Variants in STXBP6 observed in about 807,000 individuals in gnomAD.
The protein encoded by STXBP6 is syntaxin binding protein 6, also known as syntaxin-binding protein 6.
A neutral mutation model predicts 26.9 loss-of-function variants in STXBP6; 21 were observed. The ratio of observed to expected loss-of-function variants is 0.78; its 90% CI spans 0.55 to 1.12. The LOEUF (loss-of-function observed/expected upper bound fraction) is 1.12, where lower values mean the gene tolerates loss of function less well. Among genes scored for constraint, STXBP6 ranks in the 50% most tolerant of loss-of-function variants. The pLI, the probability that STXBP6 is intolerant of heterozygous loss-of-function variation, is 0.00. For synonymous variants in STXBP6, 97 were observed against 92.6 expected, an observed-to-expected ratio of 1.05 and a Z score of -0.27; for missense variants, 232 against 257.9, an observed-to-expected ratio of 0.90 and a Z score of 0.69.
At chr14:24,897,429 G>GAA (rs71121805) in intron 2 of STXBP6, among the ~76,000 whole-genome samples, 124 of 125,492 alleles carry the variant, frequency 9.9e-4, no homozygotes, top group African/African-American at 1.2e-3. Flanking sequence ...AAAAAAAAAG[G>GAA]AAAAAAAAAA....
At chr14:24,827,464 C>T (rs1385954946) in intron 4 of STXBP6, among the ~76,000 whole-genome samples, 1 of 152,104 alleles carries the variant, frequency 6.6e-6, no homozygotes, top group African/African-American at 2.4e-5. Context: ...CTGATCTGCT[C>T]CTCCTACATT....
intron 1 of STXBP6, among the ~76,000 whole-genome samples, chr14:24,981,911 T>C (rs1228578761): frequency 2.0e-5 from 3 of 152,020 alleles, no homozygotes; most frequent in East Asian, 3.9e-4. Flanking sequence ...CTTGGAAAAA[T>C]TGCCAAGAAA....
chr14:24,956,267 C>A (rs2140092669), intron 2 of STXBP6, among the ~76,000 whole-genome samples: 1 of 152,176 alleles, frequency 6.6e-6, no homozygotes, highest in East Asian at 1.9e-4. Flanking sequence ...CACCAAGTTA[C>A]AGAGACTGGC....
intron 2 of STXBP6, among the ~76,000 whole-genome samples, chr14:24,877,381 A>G (rs1595023445): frequency 6.6e-6 from 1 of 152,290 alleles, no homozygotes; most frequent in East Asian, 1.9e-4. Flanking sequence ...CTCTGTGTCC[A>G]TCTACTCCTT....
At chr14:24,841,622 A>G (rs1290761197) in intron 4 of STXBP6, among the ~76,000 whole-genome samples, 1 of 152,186 alleles carries the variant, frequency 6.6e-6, no homozygotes, top group Non-Finnish European at 1.5e-5. Flanking sequence ...GTACTGTATT[A>G]TGGGTGAATT....
chr14:24,948,674 G>T (rs115696873), intron 2 of STXBP6, among the ~76,000 whole-genome samples: 1 of 152,130 alleles, frequency 6.6e-6, no homozygotes, highest in South Asian at 2.1e-4. Flanking sequence ...CTCAGCAGGG[G>T]TTCTCCTGGA....
At chr14:24,985,321 G>C (rs187231001) in intron 1 of STXBP6, among the ~76,000 whole-genome samples, 1 of 152,204 alleles carries the variant, frequency 6.6e-6, no homozygotes, top group Non-Finnish European at 1.5e-5. Flanking sequence ...CCATCATTTC[G>C]AGACCTGCAG....
intron 4 of STXBP6, among the ~76,000 whole-genome samples, chr14:24,829,136 C>T (rs2068377827): frequency 6.6e-6 from 1 of 151,940 alleles, no homozygotes; most frequent in South Asian, 2.1e-4. Flanking sequence ...TGAAAATAAG[C>T]ACTTTGATTA....
chr14:24,977,580 A>G (rs2074082401), intron 1 of STXBP6, among the ~76,000 whole-genome samples: 1 of 152,204 alleles, frequency 6.6e-6, no homozygotes, highest in Non-Finnish European at 1.5e-5. Flanking sequence ...TTTATTAACT[A>G]CAACATAGAG....
intron 4 of STXBP6, among the ~76,000 whole-genome samples, chr14:24,823,123 A>G (rs2068185539): frequency 6.6e-6 from 1 of 152,186 alleles, no homozygotes; most frequent in African/African-American, 2.4e-5. Context: ...GCAGAGACCA[A>G]TCTTGCTCCA....
chr14:24,831,398 A>C (rs919841953), intron 4 of STXBP6, among the ~76,000 whole-genome samples: 1 of 152,200 alleles, frequency 6.6e-6, no homozygotes, highest in African/African-American at 2.4e-5. Flanking sequence ...CAAGCAGAGT[A>C]CAGGACCATA....
chr14:24,972,911 G>C (rs967483964), intron 2 of STXBP6, among the ~76,000 whole-genome samples: 3 of 152,174 alleles, frequency 2.0e-5, no homozygotes, highest in African/African-American at 4.8e-5. Context: ...GAGCCCAGGA[G>C]TTCGAGACCA....
intron 1 of STXBP6, among the ~76,000 whole-genome samples, chr14:25,033,379 C>T (rs553804208): frequency 5.9e-5 from 9 of 152,284 alleles, no homozygotes; most frequent in East Asian, 1.9e-4. Context: ...ACTGGTCCAC[C>T]GTATCTTCTC....
intron 2 of STXBP6, among the ~76,000 whole-genome samples, chr14:24,904,219 C>A (rs1422746791): frequency 6.6e-6 from 1 of 152,166 alleles, no homozygotes; most frequent in Non-Finnish European, 1.5e-5. Context: ...AATTCAAGCA[C>A]AGTCCCAAAG....
chr14:24,918,454 A>T lies in STXBP6; in HGVS notation c.154+56211T>A, dbSNP rs1363896550. Among the ~76,000 whole-genome samples, 5 of 61,810 alleles carry T rather than the reference A, an allele frequency of 8.1e-5. No homozygotes were observed. In the South Asian group the frequency reaches 2.1e-3, roughly 26 times the overall value. The allele number at this position is 61,810 out of a possible 152,430, so 40.5% of individuals were successfully genotyped here. On this transcript the variant is annotated intron_variant, in intron 2 of 5. Transcript: ENST00000323944. ...ATTTCTTAAAAACCACACCCCCACC[A>T]CACACACACACACACACACACACAC...
At chr14:24,929,454 G>C (rs966474169) in intron 2 of STXBP6, among the ~76,000 whole-genome samples, 3 of 152,182 alleles carry the variant, frequency 2.0e-5, no homozygotes, top group African/African-American at 7.2e-5. Flanking sequence ...TTCTGATACA[G>C]CAAATTATTT....
At chr14:24,820,415 G>A (rs2068102671) in intron 4 of STXBP6, among the ~76,000 whole-genome samples, 1 of 152,134 alleles carries the variant, frequency 6.6e-6, no homozygotes, top group Non-Finnish European at 1.5e-5. Flanking sequence ...CTTCTTTAAT[G>A]GTGGATTTCA....
At chr14:24,895,110 A>G (rs2070940429) in intron 2 of STXBP6, among the ~76,000 whole-genome samples, 3 of 152,164 alleles carry the variant, frequency 2.0e-5, no homozygotes, top group Admixed American at 2.0e-4. Context: ...AAGCTACTAA[A>G]TGTTCCCAAG....
intron 2 of STXBP6, among the ~76,000 whole-genome samples, chr14:24,961,796 T>TA (rs34394007): frequency 8.6e-5 from 13 of 151,556 alleles, no homozygotes; most frequent in Admixed American, 2.0e-4. Flanking sequence ...AAATCTAAGC[T>TA]AAAAAAAAAT....
Sources: gnomAD v4.1 joint callset for allele counts (sites outside exome capture counted in the v4.1 genomes callset) on GRCh38, gnomAD v4.1.1 for gene constraint, MANE v1.5 for transcripts, NCBI Gene and HGNC (gene_info 2026-07-23, HGNC 2026-07-21) for gene names.